AGO3: variants seen among roughly 807,000 people sequenced by gnomAD.
AGO3 encodes argonaute RISC catalytic component 3, also known as protein argonaute-3.
A neutral mutation model predicts 105.5 loss-of-function variants in AGO3; 16 were observed. That is an observed-to-expected ratio of 0.15 (90% CI 0.10 to 0.23). The LOEUF (loss-of-function observed/expected upper bound fraction) is 0.23. Ranked by LOEUF, AGO3 falls within the 10% of genes least tolerant of loss-of-function variation. The pLI, the probability that AGO3 is intolerant of heterozygous loss-of-function variation, is 1.00. For synonymous variants in AGO3, 340 were observed against 367.3 expected (o/e 0.93, Z 0.85); for missense variants, 534 against 1,088.0 (o/e 0.49, Z 7.16).
chr1:35,931,023 C>A (rs1646031880), upstream of AGO3: 1 of 368,714 alleles, frequency 2.7e-6, no homozygotes, highest in East Asian at 4.0e-5. Context: ...CGGCACGGCT[C>A]GGGGCCCAGA....
intron 11 of AGO3, among the ~76,000 whole-genome samples, chr1:36,017,469 C>T (rs1640964132): frequency 6.6e-6 from 1 of 152,172 alleles, no homozygotes; most frequent in Non-Finnish European, 1.5e-5. Context: ...TATTATCTAG[C>T]ACAACTTTAG....
At chr1:35,934,634 A>C (rs574400438) in intron 1 of AGO3, among the ~76,000 whole-genome samples, 1 of 152,224 alleles carries the variant, frequency 6.6e-6, no homozygotes, top group Non-Finnish European at 1.5e-5. Context: ...AGTATTTAAA[A>C]CAATCTTCTT....
chr1:35,970,570 A>G (rs933886056), intron 3 of AGO3, among the ~76,000 whole-genome samples: 8 of 152,166 alleles, frequency 5.3e-5, no homozygotes, highest in African/African-American at 1.4e-4. Flanking sequence ...CCTAGAATTA[A>G]GACTATTGTC....
At chr1:36,009,436 G>T in intron 8 of AGO3, 39 bp from the exon 9 acceptor site, 1 of 1,558,452 alleles carries the variant, frequency 6.4e-7, no homozygotes. Flanking sequence ...AAAAAAAAAA[G>T]ATATATACAT....
intron 2 of AGO3, among the ~76,000 whole-genome samples, chr1:35,958,376 A>G (rs1045729804): frequency 6.6e-6 from 1 of 151,742 alleles, no homozygotes; most frequent in African/African-American, 2.4e-5. Context: ...ATAAGACTCC[A>G]TAATAAAAAA....
chr1:35,940,256 G>A (rs561178172), intron 1 of AGO3, among the ~76,000 whole-genome samples: 3 of 152,044 alleles, frequency 2.0e-5, no homozygotes, highest in Non-Finnish European at 4.4e-5. Context: ...TAGTAGAGAC[G>A]GGGTTTCACC....
chr1:36,010,612 AAAAAG>A (rs1461501272), intron 9 of AGO3, among the ~76,000 whole-genome samples: 128 of 151,612 alleles, frequency 8.4e-4, no homozygotes, highest in African/African-American at 3.0e-3. Flanking sequence ...AAAAAAAAAA[AAAAAG>A]AAAAAGAAGG....
chr1:36,036,136 A>G (rs2148845249), intron 13 of AGO3, 41 bp from the exon 14 acceptor site: 2 of 1,586,138 alleles, frequency 1.3e-6, no homozygotes, highest in South Asian at 1.1e-5. Flanking sequence ...ATGGATACTG[A>G]AAAAATGAAA....
chr1:35,983,967 C>T (rs1376418901), intron 5 of AGO3, among the ~76,000 whole-genome samples: 1 of 151,896 alleles, frequency 6.6e-6, no homozygotes, highest in Non-Finnish European at 1.5e-5. Context: ...TGTTGGGACT[C>T]TTCAGTATGT....
intron 5 of AGO3, among the ~76,000 whole-genome samples, chr1:35,975,917 A>ATCTCTTTTTTTT (rs757881126): frequency 6.7e-6 from 1 of 148,186 alleles, no homozygotes; most frequent in Non-Finnish European, 1.5e-5. Context: ...AATTTTGCAC[A>ATCTCTTTTTTTT]TTTCTTTTTT....
chr1:35,943,672 C>T (rs1207795331), intron 1 of AGO3, among the ~76,000 whole-genome samples: 4 of 148,790 alleles, frequency 2.7e-5, no homozygotes, highest in African/African-American at 1.0e-4. Context: ...GGCATGATCT[C>T]GGCTCACTGT....
chr1:35,971,901 A>G (rs1385579995), intron 3 of AGO3, 123 bp from the exon 4 acceptor site: 1 of 870,618 alleles, frequency 1.1e-6, no homozygotes, highest in Non-Finnish European at 1.8e-6. Flanking sequence ...AAAAAATGGT[A>G]TATTTTAGTC....
At chr1:36,010,648 C>T (rs912451504) in intron 9 of AGO3, among the ~76,000 whole-genome samples, 1 of 150,940 alleles carries the variant, frequency 6.6e-6, no homozygotes, top group Non-Finnish European at 1.5e-5. Context: ...TGGCTCATGC[C>T]TGTAATCCCA....
At chr1:35,931,032 G>C, upstream of AGO3, 1 of 373,920 alleles carries the variant, frequency 2.7e-6, no homozygotes, top group South Asian at 1.3e-4. Context: ...TCGGGGCCCA[G>C]AGGCGAGGCG....
intron 17 of AGO3, among the ~76,000 whole-genome samples, chr1:36,048,223 G>A (rs527922479): frequency 2.3e-3 from 347 of 152,088 alleles, no homozygotes; most frequent in Non-Finnish European, 3.9e-3. Flanking sequence ...GGCAGAGGTT[G>A]CAGTGAGCTA....
At chr1:35,936,689 A>G (rs1157561585) in intron 1 of AGO3, among the ~76,000 whole-genome samples, 1 of 152,176 alleles carries the variant, frequency 6.6e-6, no homozygotes, top group Non-Finnish European at 1.5e-5. Flanking sequence ...GTTCTTGGGA[A>G]ATCAGAACGT....
intron 2 of AGO3, among the ~76,000 whole-genome samples, chr1:35,961,511 A>G (rs1217048998): frequency 6.6e-6 from 1 of 152,214 alleles, no homozygotes; most frequent in East Asian, 1.9e-4. Context: ...TCAGTTTTTC[A>G]CATGACAATC....
intron 5 of AGO3, among the ~76,000 whole-genome samples, chr1:35,992,752 A>T (rs957077823): frequency 6.6e-6 from 1 of 152,246 alleles, no homozygotes; most frequent in African/African-American, 2.4e-5. Flanking sequence ...CTACCACTGC[A>T]TATCAAATTA....
chr1:35,962,503 A>C (rs1373431402), intron 2 of AGO3, among the ~76,000 whole-genome samples: 1 of 151,404 alleles, frequency 6.6e-6, no homozygotes, highest in Non-Finnish European at 1.5e-5. Flanking sequence ...AGATCACGCC[A>C]CTGCACTCCA....
Sources: allele counts gnomAD v4.1 joint callset (sites outside exome capture counted in the v4.1 genomes callset), GRCh38; gene constraint gnomAD v4.1.1; transcripts MANE v1.5; gene names NCBI Gene and HGNC (gene_info 2026-07-23, HGNC 2026-07-21).